LRRC49: variants seen among roughly 807,000 people sequenced by gnomAD.
LRRC49 encodes leucine-rich repeat-containing protein 49.
LRRC49 carries 50 observed loss-of-function variants against 83.3 expected under a neutral mutation model. That is an observed-to-expected ratio of 0.60 (90% confidence interval 0.48 to 0.76). The LOEUF (loss-of-function observed/expected upper bound fraction) is 0.76. LRRC49 is among the 30% of genes least tolerant of loss of function. The pLI, the probability that LRRC49 is intolerant of heterozygous loss-of-function variation, is 0.00. For synonymous variants in LRRC49, 286 were observed against 283.3 expected, an observed-to-expected ratio of 1.01 and a Z score of -0.10; for missense variants, 704 against 809.1, an observed-to-expected ratio of 0.87 and a Z score of 1.58.
chr15:70,938,803 T>G (rs2035694899), intron 8 of LRRC49, among the ~76,000 whole-genome samples: 1 of 152,170 alleles, frequency 6.6e-6, no homozygotes, highest in Non-Finnish European at 1.5e-5. Context: ...CTCAGGAATT[T>G]GTACCTTTAT....
chr15:70,854,366 C>T (rs1024240522), intron 1 of LRRC49, among the ~76,000 whole-genome samples: 3 of 152,088 alleles, frequency 2.0e-5, no homozygotes, highest in Non-Finnish European at 4.4e-5. Context: ...CGGAAGGATC[C>T]CCGCGACCCC....
chr15:70,996,319 A>G (rs186088755), intron 11 of LRRC49, among the ~76,000 whole-genome samples: 86 of 152,274 alleles, frequency 5.6e-4, no homozygotes, highest in African/African-American at 1.8e-3. Flanking sequence ...TGAAATTTAG[A>G]GATATTTCTA....
At chr15:71,008,639 A>G (rs751173205) in intron 12 of LRRC49, 23 bp downstream of exon 12, 1 of 1,521,238 alleles carries the variant, frequency 6.6e-7, no homozygotes, top group Non-Finnish European at 9.1e-7. Flanking sequence ...TTTTAGTAGT[A>G]TATTTGAATA....
chr15:70,895,214 C>T (rs2033780195), intron 2 of LRRC49, among the ~76,000 whole-genome samples: 1 of 151,960 alleles, frequency 6.6e-6, no homozygotes, highest in African/African-American at 2.4e-5. Context: ...AGAAGTTGTT[C>T]TGGTTTTGTT....
chr15:70,970,465 C>T (rs1390689103), intron 9 of LRRC49, among the ~76,000 whole-genome samples: 1 of 152,044 alleles, frequency 6.6e-6, no homozygotes, highest in African/African-American at 2.4e-5. Context: ...TGTGTCTCTG[C>T]CAGGATTTAG....
intron 8 of LRRC49, among the ~76,000 whole-genome samples, chr15:70,961,878 A>C (rs2036612324): frequency 6.6e-6 from 1 of 152,202 alleles, no homozygotes; most frequent in African/African-American, 2.4e-5. Flanking sequence ...GTAAGCCTTA[A>C]TATATGCAAA....
intron 8 of LRRC49, among the ~76,000 whole-genome samples, chr15:70,942,811 G>T (rs1006106172): frequency 1.3e-5 from 2 of 152,072 alleles, no homozygotes; most frequent in Non-Finnish European, 2.9e-5. Context: ...ACTCGAAGTG[G>T]GGGGAGAAAA....
At chr15:71,010,905 T>C (rs1257438560) in intron 13 of LRRC49, among the ~76,000 whole-genome samples, 3 of 152,112 alleles carry the variant, frequency 2.0e-5, no homozygotes, top group African/African-American at 7.2e-5. Flanking sequence ...TAATCAACTT[T>C]CTGGCACAGT....
At chr15:70,923,656 A>C (rs182099075) in intron 7 of LRRC49, among the ~76,000 whole-genome samples, 1 of 151,844 alleles carries the variant, frequency 6.6e-6, no homozygotes, top group African/African-American at 2.4e-5. Flanking sequence ...TTTTTAGAAA[A>C]ATTTTTAATT....
intron 6 of LRRC49, among the ~76,000 whole-genome samples, chr15:70,917,566 G>T (rs945607065): frequency 6.6e-6 from 1 of 152,184 alleles, no homozygotes; most frequent in African/African-American, 2.4e-5. Flanking sequence ...GCTGAGAGCT[G>T]CAGAGTTGAT....
intron 7 of LRRC49, among the ~76,000 whole-genome samples, chr15:70,934,735 T>A (rs1164228159): frequency 6.6e-6 from 1 of 152,198 alleles, no homozygotes; most frequent in Non-Finnish European, 1.5e-5. Flanking sequence ...AAGGGACAGA[T>A]GTATTTTTTA....
intron 4 of LRRC49, chr15:70,902,684 T>G (rs563775044): frequency 6.6e-6 from 1 of 152,048 alleles, no homozygotes; most frequent in African/African-American, 2.4e-5. Context: ...CCCTGAGAAG[T>G]AGTACTTGGA....
chr15:70,867,551 T>C (rs979180052), intron 1 of LRRC49, among the ~76,000 whole-genome samples: 1 of 152,170 alleles, frequency 6.6e-6, no homozygotes, highest in Non-Finnish European at 1.5e-5. Context: ...TCAGCAAAAT[T>C]AAGTAACTTG....
chr15:70,971,144 C>G (rs187989545), intron 9 of LRRC49, among the ~76,000 whole-genome samples: 3 of 152,270 alleles, frequency 2.0e-5, no homozygotes, highest in Admixed American at 6.5e-5. Flanking sequence ...TCCCTCTAAA[C>G]ACTGCTTTAG....
At chr15:71,023,819 C>T (rs1467628584) in intron 14 of LRRC49, among the ~76,000 whole-genome samples, 1 of 152,216 alleles carries the variant, frequency 6.6e-6, no homozygotes, top group Non-Finnish European at 1.5e-5. Flanking sequence ...TACTGAGTTC[C>T]TCGGGGGAGA....
At chr15:70,975,324 A>G (rs2037167539) in intron 9 of LRRC49, among the ~76,000 whole-genome samples, 1 of 152,206 alleles carries the variant, frequency 6.6e-6, no homozygotes, top group African/African-American at 2.4e-5. Context: ...ACCCTTATAT[A>G]GAAAATTCTG....
chr15:70,879,343 GTTTC>G (rs900860535), intron 2 of LRRC49, among the ~76,000 whole-genome samples: 15 of 152,028 alleles, frequency 9.9e-5, no homozygotes, highest in Non-Finnish European at 2.1e-4. Context: ...CTTGGGGTTG[GTTTC>G]TATTGATTCC....
chr15:70,997,243 G>A (rs1468231066), intron 11 of LRRC49, among the ~76,000 whole-genome samples: 3 of 151,956 alleles, frequency 2.0e-5, no homozygotes, highest in African/African-American at 7.3e-5. Context: ...TATAATTGTT[G>A]TACCTTCCTT....
chr15:70,967,381 A>G (rs1317634659), intron 9 of LRRC49, among the ~76,000 whole-genome samples: 4 of 152,076 alleles, frequency 2.6e-5, no homozygotes, highest in African/African-American at 9.7e-5. Context: ...AGCCTTGAAG[A>G]TAGATCGGAG....
Sources: allele counts gnomAD v4.1 joint callset (sites outside exome capture counted in the v4.1 genomes callset), GRCh38; gene constraint gnomAD v4.1.1; transcripts MANE v1.5; gene names NCBI Gene and HGNC (gene_info 2026-07-23, HGNC 2026-07-21).